Variants in ART3 observed in about 807,000 individuals in gnomAD.
ART3 encodes ADP-ribosyltransferase 3 (inactive).
Under a neutral mutation model 48.5 loss-of-function variants are expected in ART3, and 49 were observed. That is an observed-to-expected ratio of 1.01 (90% CI 0.80 to 1.28). The LOEUF (loss-of-function observed/expected upper bound fraction) is 1.28, where lower values mean the gene tolerates loss of function less well. ART3 is among the 50% of genes most tolerant of loss of function. The probability of loss-of-function intolerance (pLI) is 0.00; values close to 1 mark genes in which losing one functional copy is unlikely to be tolerated. For synonymous variants in ART3, 145 were observed against 157.2 expected (o/e 0.92, Z 0.58); for missense variants, 438 against 454.3 (o/e 0.96, Z 0.33).
chr4:76,034,741 G>A lies in ART3; in HGVS notation c.-10+23421G>A, dbSNP rs370632418. The stretch of plus-strand genomic sequence containing the variant: ...CATTTCAGTAGTCACAGTTAAACTT[G>A]TTCTAGGTTTTTCAGATGCTCTTTT... On this transcript the variant is annotated intron_variant, in intron 1 of 9. Coordinates refer to the ART3 transcript ENST00000341029. 9.8e-5 allele frequency: 131 copies of A among 1,330,952 alleles called. No homozygotes were observed. The African/African-American group carries it at 1.8e-3, about 18-fold the overall frequency. 82.4% of individuals were successfully genotyped at this position (1,330,952 alleles called of 1,614,324 possible).
chr4:76,056,103 G>A lies in ART3; in HGVS notation c.-9-19778G>A, dbSNP rs537422926. Among the ~76,000 whole-genome samples the A allele has an allele frequency of 7.2e-5, 11 of 152,252 alleles. No individual in the cohort carries two copies. In the South Asian group the frequency reaches 1.9e-3, roughly 26 times the overall value. On this transcript the variant is annotated intron_variant, in intron 1 of 9. Coordinates refer to the ART3 transcript ENST00000341029. ...GGCAACGAAACTACTTTAAGACTTC[G>A]GTGACAGTGCTGCTCCCTCAGTGCC... is the stretch of plus-strand genomic sequence containing the variant.
At chr4:76,097,254 GA>G (rs1267293284) in intron 3 of ART3, among the ~76,000 whole-genome samples, 1 of 152,070 alleles carries the variant, frequency 6.6e-6, no homozygotes, top group African/African-American at 2.4e-5. Flanking sequence ...ACCCAGGCTG[GA>G]GTGTAGTAGC....
intron 1 of ART3, among the ~76,000 whole-genome samples, chr4:76,016,494 CACT>C (rs928123392): frequency 2.0e-5 from 3 of 152,156 alleles, no homozygotes; most frequent in Non-Finnish European, 4.4e-5. Flanking sequence ...TGGCCACCAC[CACT>C]GACGTTGTGC....
chr4:76,045,829 A>G (rs901682558), intron 1 of ART3, among the ~76,000 whole-genome samples: 2 of 152,022 alleles, frequency 1.3e-5, no homozygotes, highest in Non-Finnish European at 2.9e-5. Flanking sequence ...AAAAGCCAGT[A>G]ATTCCAAGGA....
intron 5 of ART3, 166 bp downstream of exon 5, chr4:76,099,153 T>G (rs1243285877): frequency 1.6e-6 from 1 of 633,032 alleles, no homozygotes; most frequent in Admixed American, 2.3e-5. Context: ...AATACAAAAC[T>G]TAGCCAGGCA....
chr4:76,021,234 T>C (rs1170719993), intron 1 of ART3: 1 of 152,248 alleles, frequency 6.6e-6, no homozygotes, highest in Non-Finnish European at 1.5e-5. Flanking sequence ...ATTTATCTTA[T>C]GTAACATGCA....
At chr4:76,095,198 C>T (rs1725726737) in intron 3 of ART3, among the ~76,000 whole-genome samples, 1 of 152,074 alleles carries the variant, frequency 6.6e-6, no homozygotes, top group African/African-American at 2.4e-5. Flanking sequence ...GCAATCTTAA[C>T]AAAATGACTC....
intron 3 of ART3, among the ~76,000 whole-genome samples, chr4:76,092,918 G>T (rs372141343): frequency 1.3e-5 from 2 of 152,134 alleles, no homozygotes; most frequent in Non-Finnish European, 2.9e-5. Context: ...AAATTTAATG[G>T]TTTAAAACAA....
intron 1 of ART3, among the ~76,000 whole-genome samples, chr4:76,016,886 C>T (rs1315824165): frequency 2.0e-5 from 3 of 152,210 alleles, no homozygotes; most frequent in African/African-American, 7.2e-5. Flanking sequence ...AGACAGGCTA[C>T]CTAACACCAA....
chr4:76,051,058 C>T (rs1181629772), intron 1 of ART3, among the ~76,000 whole-genome samples: 1 of 152,274 alleles, frequency 6.6e-6, no homozygotes, highest in Admixed American at 6.5e-5. Context: ...TCCCTGCAAG[C>T]TGAGGGAGCC....
At chr4:76,030,348 G>C (rs1025229556) in intron 1 of ART3, among the ~76,000 whole-genome samples, 2 of 152,308 alleles carry the variant, frequency 1.3e-5, no homozygotes, top group South Asian at 4.1e-4. Flanking sequence ...GAGCCACCGT[G>C]TCTGGCCTCA....
At chr4:76,103,699 C>T (rs17001393) in intron 8 of ART3, among the ~76,000 whole-genome samples, 4,687 of 152,200 alleles carry the variant, frequency 0.031, 199 homozygotes, top group African/African-American at 0.095. Context: ...GAAGATAAAG[C>T]TGGAGAGACG....
At chr4:76,040,479 C>CAT (rs1553926464) in intron 1 of ART3, among the ~76,000 whole-genome samples, 21 of 149,748 alleles carry the variant, frequency 1.4e-4, no homozygotes, top group African/African-American at 5.0e-4. Flanking sequence ...CACACACACA[C>CAT]ATTTCGCCTA....
intron 2 of ART3, among the ~76,000 whole-genome samples, chr4:76,078,553 C>A (rs566961970): frequency 6.6e-6 from 1 of 152,112 alleles, no homozygotes; most frequent in Admixed American, 6.5e-5. Flanking sequence ...CCCAGGACTA[C>A]GGGGGTCTTA....
chr4:76,034,559 T>C lies in ART3; in HGVS notation c.-10+23239T>C, dbSNP rs1232940804. ...CTAGAAATCCATTTAATTGTTGGAC[T>C]CCTTTGGGCAGTGGAATTCTGATTG... On this transcript the variant is annotated intron_variant, in intron 1 of 9. Transcript: ENST00000341029. 5.8e-6 allele frequency: 3 copies of C among 515,684 alleles called. No individual in the cohort carries two copies. The African/African-American group carries it at 6.1e-5, about 10-fold the overall frequency. The allele number at this position is 515,684 out of a possible 1,614,324, so 31.9% of individuals were successfully genotyped here. A position where few individuals can be genotyped will look rare whatever the true frequency, so the allele number is the denominator to read the frequency against.
At chr4:76,093,852 C>A (rs572240468) in intron 3 of ART3, among the ~76,000 whole-genome samples, 162 of 152,260 alleles carry the variant, frequency 1.1e-3, no homozygotes, top group Non-Finnish European at 2.0e-3. Flanking sequence ...TACTTAACAC[C>A]TGTTAGTAGT....
In ART3 at chr4:76,034,821, A is replaced by G. The variant is rs773879571; in HGVS notation, c.-10+23501A>G. The stretch of plus-strand genomic sequence containing the variant: ...AAAATTCTTTCTTTCAACTTTCTGG[A>G]ATAAGAAAACAAGAGTTTTATTTAC... On this transcript the variant is annotated intron_variant, in intron 1 of 9. Transcript: ENST00000341029. The G allele has an allele frequency of 2.1e-5, 32 of 1,555,142 alleles. 1 individual carries two copies. Among genetic ancestry groups the G allele is most frequent in the Non-Finnish European group, 2.4e-5 (27 of 1,130,778 alleles).
Position 76,081,940 on chromosome 4 carries a change from C to T in ART3, c.186C>T (p.Ser62=). 6.2e-7 allele frequency: 1 copy of T among 1,614,080 alleles called. No homozygotes were observed. The highest frequency in any genetic ancestry group is 2.2e-5 in the East Asian group (1 of 44,886). ...VPQLLKEEKA[S]HQQLDTVWEN... is the part of the protein sequence containing the mutation. Reference sequence around the variant, plus strand: ...AACTGCTAAAGGAGGAAAAAGCAAGCCACCAGCAATTAGATACTGTGTGGG... The same window carrying T: ...AACTGCTAAAGGAGGAAAAAGCAAGTCACCAGCAATTAGATACTGTGTGGG... Residue 62 remains serine (S), a synonymous_variant, in exon 3 of 12, where the codon AGC becomes AGT. Coordinates refer to ENST00000355810, the MANE Select transcript of ART3 (RefSeq NM_001130016.3).
At chr4:76,065,382 G>T (rs1233412828) in intron 1 of ART3, among the ~76,000 whole-genome samples, 2 of 152,082 alleles carry the variant, frequency 1.3e-5, no homozygotes, top group Non-Finnish European at 2.9e-5. Flanking sequence ...TTTGGGATGT[G>T]GGAGGAAACC....
Sources: gnomAD v4.1 joint callset for allele counts (sites outside exome capture counted in the v4.1 genomes callset) on GRCh38, gnomAD v4.1.1 for gene constraint, MANE v1.5 for transcripts, NCBI Gene and HGNC (gene_info 2026-07-23, HGNC 2026-07-21) for gene names.